The following HKDC1 variants were observed in gnomAD, a reference collection of about 807,000 sequenced individuals.
HKDC1 encodes the protein hexokinase domain containing 1.
In HKDC1, 66 loss-of-function variants were observed where a neutral mutation model predicts 96.6. The observed-to-expected ratio is 0.68, with a 90% confidence interval of 0.56 to 0.84. The LOEUF is 0.84. Ranked by LOEUF, HKDC1 falls within the 40% of genes least tolerant of loss-of-function variation. The pLI is 0.00. For synonymous variants in HKDC1, 466 were observed against 473.1 expected (o/e 0.98, Z 0.20); for missense variants, 1,211 against 1,208.1 (o/e 1.00, Z -0.04).
chr10:69,253,113 G>A (rs538999740), intron 12 of HKDC1, among the ~76,000 whole-genome samples: 1 of 152,252 alleles, frequency 6.6e-6, no homozygotes, highest in African/African-American at 2.4e-5. Flanking sequence ...GGTCAGTATT[G>A]TGTGTTTTTT....
chr10:69,264,348 T>C (rs989545323), intron 16 of HKDC1, among the ~76,000 whole-genome samples: 1 of 151,836 alleles, frequency 6.6e-6, no homozygotes, highest in Non-Finnish European at 1.5e-5. Flanking sequence ...AGATTTTCCA[T>C]GGTGTGAAAT....
Position 69,247,393 on chromosome 10 carries a change from C to T in HKDC1, c.1065C>T (p.Ile355=). ...YKEGLANTRE[I]LVDLGLEPSE... ...AAGGCCTTGCTAATACAAGAGAGAT[C>T]CTGGTGGACCTGGGTCTGGAACCGT... Residue 355 remains isoleucine (I), a synonymous_variant, in exon 9 of 18, where the codon ATC becomes ATT. Transcript: ENST00000354624. 1 of 1,614,060 alleles carries T rather than the reference C, an allele frequency of 6.2e-7. No homozygotes were observed. The highest frequency in any genetic ancestry group is 8.5e-7 in the Non-Finnish European group (1 of 1,179,984).
chr10:69,266,385 C>T (rs1843898222), intron 17 of HKDC1, among the ~76,000 whole-genome samples: 2 of 151,490 alleles, frequency 1.3e-5, no homozygotes, highest in Non-Finnish European at 2.9e-5. Flanking sequence ...GGGGCTTGAG[C>T]CTGGGAACTC....
At chr10:69,263,215 T>A (rs1589417933) in intron 16 of HKDC1, among the ~76,000 whole-genome samples, 1 of 152,132 alleles carries the variant, frequency 6.6e-6, no homozygotes, top group East Asian at 1.9e-4. Context: ...CCTGCTCCCA[T>A]TCCCTGTCAA....
intron 14 of HKDC1, 83 bp from the exon 15 acceptor site, chr10:69,258,693 A>C: frequency 7.1e-7 from 1 of 1,401,558 alleles, no homozygotes; most frequent in Non-Finnish European, 1.0e-6. Context: ...TCCAAGCTTA[A>C]ATTCTTATTT....
At chr10:69,230,885 G>A (rs1170505356) in intron 2 of HKDC1, among the ~76,000 whole-genome samples, 3 of 152,192 alleles carry the variant, frequency 2.0e-5, no homozygotes, top group Admixed American at 2.0e-4. Context: ...CTCCCAAAGT[G>A]CTGGGACCAC....
At chr10:69,259,482 T>TA (rs537471375) in intron 15 of HKDC1, among the ~76,000 whole-genome samples, 3 of 152,136 alleles carry the variant, frequency 2.0e-5, no homozygotes, top group African/African-American at 2.4e-5. Context: ...ATGAATGGCC[T>TA]AAAAAATAAA....
At chr10:69,221,499 C>T (rs1326134760) in intron 1 of HKDC1, among the ~76,000 whole-genome samples, 1 of 152,026 alleles carries the variant, frequency 6.6e-6, no homozygotes, top group Non-Finnish European at 1.5e-5. Context: ...GTGCAGATGA[C>T]AGAAGTCCTC....
chr10:69,225,005 C>T (rs1828354788), intron 1 of HKDC1, among the ~76,000 whole-genome samples: 2 of 152,202 alleles, frequency 1.3e-5, no homozygotes, highest in South Asian at 4.1e-4. Flanking sequence ...CTTCTAACAA[C>T]TGTTCCTGGT....
chr10:69,231,176 T>G (rs1421384402), intron 2 of HKDC1, among the ~76,000 whole-genome samples: 1 of 152,132 alleles, frequency 6.6e-6, no homozygotes, highest in Non-Finnish European at 1.5e-5. Flanking sequence ...TCCCCTCCCG[T>G]CCGATGGCAG....
intron 1 of HKDC1, chr10:69,222,856 C>T (rs1843088446): frequency 6.6e-6 from 1 of 152,186 alleles, no homozygotes; most frequent in Non-Finnish European, 1.5e-5. Flanking sequence ...ACACTCCTCC[C>T]AACACGTGGT....
At chr10:69,239,872 A>C (rs921997737) in intron 5 of HKDC1, among the ~76,000 whole-genome samples, 1 of 149,828 alleles carries the variant, frequency 6.7e-6, no homozygotes, top group African/African-American at 2.5e-5. Context: ...CTCCCACCTC[A>C]GCCTCCTGCA....
intron 1 of HKDC1, among the ~76,000 whole-genome samples, chr10:69,226,494 A>T (rs779468783): frequency 1.2e-4 from 18 of 151,890 alleles, no homozygotes; most frequent in South Asian, 4.1e-4. Flanking sequence ...TAAAAATAAA[A>T]ATAAAAAAAA....
chr10:69,238,286 C>T (rs1026462557), intron 4 of HKDC1, among the ~76,000 whole-genome samples: 3 of 152,138 alleles, frequency 2.0e-5, no homozygotes, highest in Admixed American at 2.0e-4. Flanking sequence ...CTGAGACAAT[C>T]CTGCAAGGTT....
rs772706775 is a variant in HKDC1, at chr10:69,266,639, A to G, written c.2636A>G (p.Lys879Arg). The G allele has an allele frequency of 6.2e-7, 1 of 1,614,210 alleles. No individual in the cohort carries two copies. Among genetic ancestry groups the G allele is most frequent in the Non-Finnish European group, 8.5e-7 (1 of 1,180,026 alleles). Residue 879 changes from lysine to arginine, a missense_variant, in exon 18 of 18, where the codon AAG (lysine) becomes AGG (arginine). Physicochemically the swap from Lys to Arg is conservative, Grantham distance 26. Coordinates refer to ENST00000354624, the MANE Select transcript of HKDC1 (RefSeq NM_025130.4). ...HFSRILQETV[K>R]ELAPRCDVTF... is the part of the protein sequence containing the mutation. ...TCTAGAATATTGCAGGAAACTGTGA[A>G]GGAACTAGCCCCTCGATGTGATGTG...
chr10:69,250,336 G>A lies in HKDC1; in HGVS notation c.1617G>A (p.Arg539=). Reference sequence around the variant, plus strand: ...TGGATCTTGGGGGAACCAACTTCCGGGTCCTCCTGGTGAAGATCAGAAGTG... The same window carrying A: ...TGGATCTTGGGGGAACCAACTTCCGAGTCCTCCTGGTGAAGATCAGAAGTG... ...LALDLGGTNF[R]VLLVKIRSGR... Residue 539 remains arginine, a synonymous_variant, in exon 11 of 18, where the codon CGG becomes CGA. Coordinates refer to ENST00000354624, the MANE Select transcript of HKDC1 (RefSeq NM_025130.4). The A allele has an allele frequency of 6.2e-7, 1 of 1,614,104 alleles. No individual in the cohort carries two copies. Among genetic ancestry groups the A allele is most frequent in the Non-Finnish European group, 8.5e-7 (1 of 1,179,984 alleles).
intron 12 of HKDC1, 130 bp from the exon 13 acceptor site, chr10:69,256,906 G>A: frequency 1.5e-6 from 1 of 689,458 alleles, no homozygotes; most frequent in Non-Finnish European, 2.7e-6. Flanking sequence ...TTGTGGAGGT[G>A]GAGGCATAGT....
chr10:69,260,982 G>T (rs992931549), intron 15 of HKDC1, among the ~76,000 whole-genome samples, 157 bp from the exon 16 acceptor site: 17 of 152,172 alleles, frequency 1.1e-4, no homozygotes, highest in African/African-American at 4.1e-4. Context: ...TTTTGTAGAT[G>T]ATAGCTTGCA....
At chr10:69,262,081 A>G (rs1309327481) in intron 16 of HKDC1, 1 of 440,448 alleles carries the variant, frequency 2.3e-6, no homozygotes, top group Non-Finnish European at 4.5e-6. Context: ...ATTGATGCAT[A>G]TTGCCTGGAT....
Sources: gnomAD v4.1 joint callset for allele counts (sites outside exome capture counted in the v4.1 genomes callset) on GRCh38, gnomAD v4.1.1 for gene constraint, MANE v1.5 for transcripts, NCBI Gene and HGNC (gene_info 2026-07-23, HGNC 2026-07-21) for gene names.